The following LDAH variants were observed in gnomAD, a reference collection of about 807,000 sequenced individuals.
LDAH encodes lipid droplet associated hydrolase.
A neutral mutation model predicts 29.6 loss-of-function variants in LDAH; 26 were observed. The observed-to-expected ratio is 0.88, with a 90% CI of 0.64 to 1.22. LDAH has a LOEUF of 1.22. LDAH is among the 50% of genes most tolerant of loss of function. The probability of loss-of-function intolerance (pLI) is 0.00; values close to 1 mark genes in which losing one functional copy is unlikely to be tolerated. For missense variants in LDAH, 344 were observed against 387.3 expected, an observed-to-expected ratio of 0.89 and a Z score of 0.94; for synonymous variants, 117 against 133.0, an observed-to-expected ratio of 0.88 and a Z score of 0.83.
At chr2:20,755,925 A>C (rs990439703) in intron 4 of LDAH, among the ~76,000 whole-genome samples, 1 of 152,158 alleles carries the variant, frequency 6.6e-6, no homozygotes, top group Non-Finnish European at 1.5e-5. Context: ...GGAGAATACC[A>C]CACCAAAAAA....
At chr2:20,693,994 T>C (rs944633051) in intron 6 of LDAH, among the ~76,000 whole-genome samples, 1 of 152,260 alleles carries the variant, frequency 6.6e-6, no homozygotes, top group Non-Finnish European at 1.5e-5. Flanking sequence ...ATTCCTGCTT[T>C]CTCCAGGTTT....
At chr2:20,775,427 T>A (rs1478766321) in intron 3 of LDAH, among the ~76,000 whole-genome samples, 6 of 152,142 alleles carry the variant, frequency 3.9e-5, no homozygotes, top group Non-Finnish European at 7.4e-5. Flanking sequence ...TTTCAGTAGG[T>A]CTAGGCTGGG....
intron 4 of LDAH, among the ~76,000 whole-genome samples, chr2:20,756,420 C>CT (rs1022997765): frequency 1.3e-5 from 2 of 151,930 alleles, no homozygotes; most frequent in African/African-American, 4.8e-5. Flanking sequence ...CAGATCAGTA[C>CT]TTTTTTTAAA....
intron 1 of LDAH, among the ~76,000 whole-genome samples, chr2:20,819,347 G>A (rs1225709637): frequency 6.6e-6 from 1 of 151,928 alleles, no homozygotes; most frequent in African/African-American, 2.4e-5. Flanking sequence ...ATTTCCCTTT[G>A]GTTGAGGTAT....
At chr2:20,763,641 T>C (rs1239233637) in intron 4 of LDAH, among the ~76,000 whole-genome samples, 1 of 152,272 alleles carries the variant, frequency 6.6e-6, no homozygotes, top group Non-Finnish European at 1.5e-5. Flanking sequence ...CAGCTTTCTC[T>C]GGCTAGCAGC....
chr2:20,700,623 T>C (rs7587755), intron 6 of LDAH, among the ~76,000 whole-genome samples: 8,383 of 152,194 alleles, frequency 0.055, 294 homozygotes, highest in East Asian at 0.13. Flanking sequence ...TCAGCACCAA[T>C]TGTAAAGTTT....
intron 3 of LDAH, among the ~76,000 whole-genome samples, chr2:20,779,519 C>CA (rs888249224): frequency 6.6e-6 from 1 of 150,824 alleles, no homozygotes; most frequent in African/African-American, 2.4e-5. Context: ...TTCAAATACA[C>CA]AAAAAAATAA....
intron 5 of LDAH, among the ~76,000 whole-genome samples, chr2:20,724,140 G>A (rs192581580): frequency 6.6e-6 from 1 of 152,230 alleles, no homozygotes; most frequent in African/African-American, 2.4e-5. Flanking sequence ...ATAACAGAAG[G>A]CTGCCTTCTA....
chr2:20,821,605 G>A (rs1219844693), intron 1 of LDAH, among the ~76,000 whole-genome samples: 6 of 152,202 alleles, frequency 3.9e-5, no homozygotes, highest in East Asian at 3.9e-4. Context: ...ATCACACACC[G>A]GGGCCTGTTG....
chr2:20,742,885 G>A (rs537303679), intron 4 of LDAH, among the ~76,000 whole-genome samples: 61 of 142,294 alleles, frequency 4.3e-4, no homozygotes, highest in Non-Finnish European at 7.4e-4. Context: ...TCAGCCTTCT[G>A]AGTAGCTGGG....
intron 3 of LDAH, among the ~76,000 whole-genome samples, chr2:20,780,284 C>G (rs1226292235): frequency 4.6e-5 from 7 of 152,148 alleles, no homozygotes; most frequent in Non-Finnish European, 1.0e-4. Context: ...GTGAAAACCA[C>G]AGTCATCAAA....
At chr2:20,804,456 T>G (rs953253902) in intron 1 of LDAH, among the ~76,000 whole-genome samples, 1 of 152,200 alleles carries the variant, frequency 6.6e-6, no homozygotes, top group Admixed American at 6.5e-5. Context: ...CATGGATAGA[T>G]GAATGCTTAA....
At chr2:20,753,998 T>C (rs764351884) in intron 4 of LDAH, among the ~76,000 whole-genome samples, 8 of 152,188 alleles carry the variant, frequency 5.3e-5, no homozygotes, top group Non-Finnish European at 5.9e-5. Flanking sequence ...AGGAAGGTTC[T>C]TGCTTATAAA....
intron 5 of LDAH, among the ~76,000 whole-genome samples, chr2:20,716,989 A>C (rs1665260883): frequency 6.6e-6 from 1 of 152,196 alleles, no homozygotes; most frequent in Non-Finnish European, 1.5e-5. Flanking sequence ...TTTGTTACAC[A>C]GCAAGAAAAA....
chr2:20,799,423 C>T (rs957621346), intron 2 of LDAH, among the ~76,000 whole-genome samples: 1 of 151,908 alleles, frequency 6.6e-6, no homozygotes, highest in Non-Finnish European at 1.5e-5. Flanking sequence ...CTGTATAGAA[C>T]GTGTAATGAT....
intron 5 of LDAH, among the ~76,000 whole-genome samples, chr2:20,718,551 G>C (rs1320486054): frequency 6.6e-6 from 1 of 152,134 alleles, no homozygotes; most frequent in Non-Finnish European, 1.5e-5. Flanking sequence ...GAGGTAGACT[G>C]CAATACAGTA....
In LDAH at chr2:20,694,167, C is replaced by T. The variant is rs146587818; in HGVS notation, c.787-7073G>A. The stretch of plus-strand genomic sequence containing the variant: ...CCTACTTCCCAGCTAGGGCCCCTAC[C>T]CTGCCTTTATCTCCTGTTTTCATCC... On this transcript the variant is annotated intron_variant, in intron 6 of 6. Transcript: ENST00000237822. Among the ~76,000 whole-genome samples the T allele has an allele frequency of 1.8e-3, 268 of 152,308 alleles. 1 individual carries two copies. Among genetic ancestry groups the T allele is most frequent in the Non-Finnish European group, 2.9e-3 (198 of 68,032 alleles).
chr2:20,822,216 C>T (rs945867611), intron 1 of LDAH, among the ~76,000 whole-genome samples: 3 of 152,122 alleles, frequency 2.0e-5, no homozygotes, highest in African/African-American at 7.2e-5. Flanking sequence ...GCTCCACCTC[C>T]CGGGTTCACG....
intron 2 of LDAH, among the ~76,000 whole-genome samples, chr2:20,790,781 T>C (rs1356017255): frequency 6.6e-6 from 1 of 152,226 alleles, no homozygotes; most frequent in Admixed American, 6.5e-5. Context: ...CTAGCACTTA[T>C]AATTGTAAAC....
Sources: gnomAD v4.1 joint callset for allele counts (sites outside exome capture counted in the v4.1 genomes callset) on GRCh38, gnomAD v4.1.1 for gene constraint, MANE v1.5 for transcripts, NCBI Gene and HGNC (gene_info 2026-07-23, HGNC 2026-07-21) for gene names.